The following BCL2L1 variants were observed in gnomAD, a reference collection of about 807,000 sequenced individuals.
BCL2L1 encodes the protein BCL2 like 1, also known as bcl-2-like protein 1.
In BCL2L1, 1 loss-of-function variant was observed where a neutral mutation model predicts 18.7. The observed-to-expected ratio is 0.05, with a 90% confidence interval of 0.02 to 0.25. The LOEUF (loss-of-function observed/expected upper bound fraction) is 0.25. Among genes scored for constraint, BCL2L1 ranks in the 10% least tolerant of loss-of-function variants. The pLI, the probability that BCL2L1 is intolerant of heterozygous loss-of-function variation, is 1.00. For synonymous variants in BCL2L1, 103 were observed against 122.7 expected, an observed-to-expected ratio of 0.84 and a Z score of 1.06; for missense variants, 207 against 304.9, an observed-to-expected ratio of 0.68 and a Z score of 2.39.
intron 2 of BCL2L1, among the ~76,000 whole-genome samples, chr20:31,703,987 G>A (rs993255878): frequency 3.3e-5 from 5 of 151,316 alleles, no homozygotes; most frequent in Admixed American, 2.6e-4. Context: ...TAGTAGAGAC[G>A]GGGTTTCGCC....
chr20:31,711,510 C>T (rs987878132), intron 2 of BCL2L1, among the ~76,000 whole-genome samples: 2 of 152,184 alleles, frequency 1.3e-5, no homozygotes, highest in Non-Finnish European at 2.9e-5. Flanking sequence ...TGGAAACAGA[C>T]CATTGAGGGA....
At chr20:31,710,296 TAAG>T (rs1242426135) in intron 2 of BCL2L1, among the ~76,000 whole-genome samples, 1 of 152,048 alleles carries the variant, frequency 6.6e-6, no homozygotes, top group African/African-American at 2.4e-5. Flanking sequence ...ACCTGAATGA[TAAG>T]AAGAGAGAGA....
Position 31,687,849 on chromosome 20 carries a change from G to C in BCL2L1, c.565-21763C>G, listed in dbSNP as rs1454517414. ...TGAGCCTGATTCCTTATCTGTATTAGACAATAAGACCATATGTTCTTCCTC... is the reference window on the plus strand; with the variant it reads ...TGAGCCTGATTCCTTATCTGTATTACACAATAAGACCATATGTTCTTCCTC... On this transcript the variant is annotated intron_variant, in intron 2 of 2. Coordinates refer to ENST00000307677, the MANE Select transcript of BCL2L1 (RefSeq NM_138578.3). Among the ~76,000 whole-genome samples, 4 of 152,022 alleles carry C rather than the reference G, an allele frequency of 2.6e-5. No homozygotes were observed. The South Asian group carries it at 6.2e-4, about 24-fold the overall frequency.
At position 31,720,888 on chromosome 20, in the gene BCL2L1, A is replaced by T. The variant is rs571900696; in HGVS notation, c.564+767T>A. On this transcript the variant is annotated intron_variant, in intron 2 of 2. Transcript: ENST00000307677. Reference sequence around the variant, plus strand: ...CCCTGGGCTCTGGCCGGAAAGTAACAGGCAGAGCAGCTGGAGCTCCCCAAC... The same window carrying T: ...CCCTGGGCTCTGGCCGGAAAGTAACTGGCAGAGCAGCTGGAGCTCCCCAAC... The T allele has an allele frequency of 9.2e-4, 904 of 985,438 alleles. 3 individuals are homozygous for T. The highest frequency in any genetic ancestry group is 8.7e-4 in the Non-Finnish European group (718 of 829,940). 61.0% of individuals were successfully genotyped at this position (985,438 alleles called of 1,614,324 possible). A position where few individuals can be genotyped will look rare whatever the true frequency, so the allele number is the denominator to read the frequency against.
intron 2 of BCL2L1, among the ~76,000 whole-genome samples, chr20:31,674,665 T>C (rs1183506232): frequency 6.6e-6 from 1 of 151,730 alleles, no homozygotes; most frequent in Non-Finnish European, 1.5e-5. Context: ...AGCTCAGGAG[T>C]TCGAGACCAG....
intron 2 of BCL2L1, among the ~76,000 whole-genome samples, chr20:31,674,164 C>G (rs932174269): frequency 3.3e-5 from 5 of 152,094 alleles, no homozygotes; most frequent in Non-Finnish European, 5.9e-5. Context: ...CATCTTAGAC[C>G]CTGCTATCTC....
At chr20:31,693,052 G>C (rs2122639716) in intron 2 of BCL2L1, among the ~76,000 whole-genome samples, 1 of 138,218 alleles carries the variant, frequency 7.2e-6, no homozygotes. Flanking sequence ...GCCTGGGCGA[G>C]AAAGTGGGAC....
intron 2 of BCL2L1, among the ~76,000 whole-genome samples, chr20:31,685,190 C>G (rs1038748023): frequency 6.6e-6 from 1 of 152,126 alleles, no homozygotes; most frequent in Non-Finnish European, 1.5e-5. Flanking sequence ...ATCACGAAGT[C>G]AGGAGATCAA....
intron 2 of BCL2L1, among the ~76,000 whole-genome samples, chr20:31,685,255 C>A (rs1568864741): frequency 6.6e-6 from 1 of 152,016 alleles, no homozygotes; most frequent in Admixed American, 6.6e-5. Flanking sequence ...AAAAAATTAG[C>A]CAGGCGTGGT....
In BCL2L1 at chr20:31,665,902, G is replaced by A. The variant is rs2122386181; in HGVS notation, c.*47C>T. ...ATGGCGGCTGGACGGAGGATGTGGT[G>A]GAGCAGAGAAGGGGGTGGGAGGGTA... On this transcript the variant is annotated 3_prime_UTR_variant, in exon 3 of 3. Transcript: ENST00000307677. The A allele has an allele frequency of 6.2e-7, 1 of 1,600,960 alleles. No homozygotes were observed. The highest frequency in any genetic ancestry group is 8.5e-7 in the Non-Finnish European group (1 of 1,172,390).
upstream of BCL2L1, chr20:31,723,593 A>G: frequency 1.0e-6 from 1 of 985,096 alleles, no homozygotes; most frequent in Non-Finnish European, 1.2e-6. Flanking sequence ...CGCCCCCTAG[A>G]CCTTCCTGAG....
In BCL2L1 at chr20:31,670,238, T is replaced by C. The variant is rs1257954151; in HGVS notation, c.565-4152A>G. Among the ~76,000 whole-genome samples the C allele has an allele frequency of 3.9e-5, 6 of 152,256 alleles. No homozygotes were observed. The East Asian group carries it at 1.2e-3, about 29-fold the overall frequency. The stretch of plus-strand genomic sequence containing the variant: ...CTCTGCGGGTCTTGGCAGACAAAAA[T>C]ATTCTTACAGGAGGTTTGATTTTGT... On this transcript the variant is annotated intron_variant, in intron 2 of 2. Coordinates refer to ENST00000307677, the MANE Select transcript of BCL2L1 (RefSeq NM_138578.3).
chr20:31,711,154 C>G (rs1568895191), intron 2 of BCL2L1, among the ~76,000 whole-genome samples: 1 of 152,188 alleles, frequency 6.6e-6, no homozygotes, highest in Non-Finnish European at 1.5e-5. Context: ...TGGCACAGAG[C>G]AAGTAACTAC....
chr20:31,678,790 C>G (rs1328338865), intron 2 of BCL2L1, among the ~76,000 whole-genome samples: 2 of 152,162 alleles, frequency 1.3e-5, no homozygotes, highest in South Asian at 4.1e-4. Context: ...CAGACAAGTC[C>G]CAAGTATTTT....
In BCL2L1 at chr20:31,716,229, T is replaced by C. The variant is rs1417244260; in HGVS notation, c.564+5426A>G. ...TAATTCTCAGCCCAGCCAAAGGACC[T>C]AGAAGGGTAGAGGAAAGCCATTTTT... On this transcript the variant is annotated intron_variant, in intron 2 of 2. Coordinates refer to ENST00000307677, the MANE Select transcript of BCL2L1 (RefSeq NM_138578.3). Among the ~76,000 whole-genome samples, 4 of 152,204 alleles carry C rather than the reference T, an allele frequency of 2.6e-5. No individual in the cohort carries two copies. The South Asian group carries it at 8.3e-4, about 32-fold the overall frequency.
At chr20:31,678,983 C>G (rs1358306163) in intron 2 of BCL2L1, among the ~76,000 whole-genome samples, 1 of 152,194 alleles carries the variant, frequency 6.6e-6, no homozygotes, top group Non-Finnish European at 1.5e-5. Flanking sequence ...GCATTTCCTT[C>G]TATTCTGTGA....
In BCL2L1 at chr20:31,722,202, C is replaced by G. The variant is rs148274815; in HGVS notation, c.17G>C (p.Arg6Pro). Reference sequence around the variant, plus strand: ...GGAGAGAAAGTCAACCACCAGCTCCCGGTTGCTCTGAGACATTTTTATAAT... The same window carrying G: ...GGAGAGAAAGTCAACCACCAGCTCCGGGTTGCTCTGAGACATTTTTATAAT... The part of the protein sequence containing the change: MSQSN[R>P]ELVVDFLSYK... The change falls in exon 2 of 3, where the codon CGG becomes CCG. Residue 6 changes from arginine to proline, a missense_variant. Transcript: ENST00000307677. 6.7e-7 allele frequency: 1 copy of G among 1,496,408 alleles called. No individual in the cohort carries two copies. The highest frequency in any genetic ancestry group is 2.3e-5 in the Admixed American group (1 of 43,844). The allele number at this position is 1,496,408 out of a possible 1,614,324, so 92.7% of individuals were successfully genotyped here.
upstream of BCL2L1, chr20:31,723,289 C>G (rs1482303625): frequency 2.2e-5 from 22 of 985,646 alleles, no homozygotes; most frequent in Non-Finnish European, 2.5e-5. Context: ...CGCCCGGACA[C>G]AATGGCCGCC....
chr20:31,670,762 C>T lies in BCL2L1; in HGVS notation c.565-4676G>A, dbSNP rs1334916967. ...CGGAGACAGCATGAGCAAAATGGGG[C>T]GTGCTGTTCCAGGGCGGGTGCTGGA... On this transcript the variant is annotated intron_variant, in intron 2 of 2. Coordinates refer to ENST00000307677, the MANE Select transcript of BCL2L1 (RefSeq NM_138578.3). 1.3e-5 allele frequency among the ~76,000 whole-genome samples: 2 copies of T among 152,120 alleles called. 1 individual carries two copies. Among genetic ancestry groups the T allele is most frequent in the South Asian group, 4.1e-4 (2 of 4,832 alleles).
Sources: allele counts gnomAD v4.1 joint callset (sites outside exome capture counted in the v4.1 genomes callset), GRCh38; gene constraint gnomAD v4.1.1; transcripts MANE v1.5; gene names NCBI Gene and HGNC (gene_info 2026-07-23, HGNC 2026-07-21).